Variants in SPIRE1 observed in about 807,000 individuals in gnomAD.
SPIRE1 encodes protein spire homolog 1.
Under a neutral mutation model 94.1 loss-of-function variants are expected in SPIRE1, and 40 were observed. The ratio of observed to expected loss-of-function variants is 0.43; its 90% CI spans 0.33 to 0.55. The LOEUF is 0.55. SPIRE1 is among the 20% of genes least tolerant of loss of function. The pLI, the probability that SPIRE1 is intolerant of heterozygous loss-of-function variation, is 0.06. For missense variants in SPIRE1, 838 were observed against 975.2 expected, an observed-to-expected ratio of 0.86 and a Z score of 1.87; for synonymous variants, 376 against 371.7, an observed-to-expected ratio of 1.01 and a Z score of -0.13.
intron 4 of SPIRE1, among the ~76,000 whole-genome samples, chr18:12,532,834 T>C (rs1270997964): frequency 1.3e-5 from 2 of 152,196 alleles, no homozygotes; most frequent in African/African-American, 4.8e-5. Flanking sequence ...GCTTTCTTTG[T>C]CTAGGAAGTC....
chr18:12,507,696 C>G (rs2143992160), intron 5 of SPIRE1, among the ~76,000 whole-genome samples: 1 of 150,760 alleles, frequency 6.6e-6, no homozygotes, highest in South Asian at 2.1e-4. Flanking sequence ...GAGACTCTGT[C>G]TCAAAAAATA....
rs1276304562 is a variant in SPIRE1, at chr18:12,631,563, A to AC, written c.372+3498_372+3499insG. Among the ~76,000 whole-genome samples, 127 of 150,094 alleles carry AC rather than the reference A, an allele frequency of 8.5e-4. 2 individuals carry two copies. In the Middle Eastern group the frequency reaches 0.01, roughly 12 times the overall value. On this transcript the variant is annotated intron_variant, in intron 2 of 16. Coordinates refer to ENST00000409402, the MANE Select transcript of SPIRE1 (RefSeq NM_001128626.2). The stretch of plus-strand genomic sequence containing the variant: ...CCCATCTCTACAAAAAAAAAAAAAA[A>AC]AAAAAAAAAAAACATAAAAATAAAA...
At chr18:12,646,317 C>T (rs144982368) in intron 1 of SPIRE1, among the ~76,000 whole-genome samples, 42 of 152,266 alleles carry the variant, frequency 2.8e-4, no homozygotes, top group African/African-American at 1.0e-3. Context: ...TCTGGGCTCT[C>T]ATAGTTTTCT....
At chr18:12,539,437 A>C (rs529469431) in intron 3 of SPIRE1, among the ~76,000 whole-genome samples, 1 of 152,152 alleles carries the variant, frequency 6.6e-6, no homozygotes, top group Non-Finnish European at 1.5e-5. Flanking sequence ...CTGTGAGTCC[A>C]TTAAACCTAT....
At chr18:12,562,996 T>G (rs544865573) in intron 2 of SPIRE1, among the ~76,000 whole-genome samples, 1 of 152,320 alleles carries the variant, frequency 6.6e-6, no homozygotes, top group East Asian at 1.9e-4. Flanking sequence ...TTGAGAGATA[T>G]GCAATCACTG....
intron 5 of SPIRE1, among the ~76,000 whole-genome samples, chr18:12,509,533 CAAAT>C (rs2144012403): frequency 6.6e-6 from 1 of 152,214 alleles, no homozygotes; most frequent in East Asian, 1.9e-4. Flanking sequence ...TCTAAAATGA[CAAAT>C]AATACCAGCT....
Position 12,642,521 on chromosome 18 carries a change from T to C in SPIRE1, c.338-7425A>G, listed in dbSNP as rs527407764. 9.1e-4 allele frequency among the ~76,000 whole-genome samples: 138 copies of C among 152,310 alleles called. 1 individual carries two copies. The highest frequency in any genetic ancestry group is 3.2e-3 in the African/African-American group (132 of 41,564). ...AACCCGCCACAAAATTTGGATATTA[T>C]CTTTTATCTATTTTATGTAATCTGG... On this transcript the variant is annotated intron_variant, in intron 1 of 16. Transcript: ENST00000409402.
At chr18:12,566,998 C>T (rs2035837875) in intron 2 of SPIRE1, among the ~76,000 whole-genome samples, 1 of 152,108 alleles carries the variant, frequency 6.6e-6, no homozygotes, top group East Asian at 1.9e-4. Flanking sequence ...TACACCACAA[C>T]CAAGTGGCAT....
intron 2 of SPIRE1, among the ~76,000 whole-genome samples, chr18:12,580,989 C>T (rs1396053526): frequency 6.6e-6 from 1 of 152,182 alleles, no homozygotes; most frequent in African/African-American, 2.4e-5. Context: ...TTCCACTTAT[C>T]CCCATGGGTG....
chr18:12,622,017 A>G (rs537683652), intron 2 of SPIRE1, among the ~76,000 whole-genome samples: 5 of 152,270 alleles, frequency 3.3e-5, no homozygotes, highest in African/African-American at 1.2e-4. Flanking sequence ...GAGACACCAT[A>G]CTGAACTGCA....
intron 4 of SPIRE1, among the ~76,000 whole-genome samples, chr18:12,529,191 A>G (rs1295240887): frequency 6.6e-6 from 1 of 152,144 alleles, no homozygotes; most frequent in African/African-American, 2.4e-5. Flanking sequence ...AACATGGTGA[A>G]ACCCCGTCTC....
At chr18:12,572,640 T>A (rs537908113) in intron 2 of SPIRE1, among the ~76,000 whole-genome samples, 3 of 152,148 alleles carry the variant, frequency 2.0e-5, no homozygotes, top group Non-Finnish European at 4.4e-5. Context: ...GTTAAAAAAA[T>A]TTTTAAATAG....
chr18:12,534,119 T>G (rs1316573466), intron 4 of SPIRE1, among the ~76,000 whole-genome samples: 5 of 152,146 alleles, frequency 3.3e-5, no homozygotes, highest in African/African-American at 1.2e-4. Flanking sequence ...GTACCCTAGC[T>G]AGAGCAGAGG....
Position 12,532,791 on chromosome 18 carries a change from C to T in SPIRE1, c.729+2685G>A, listed in dbSNP as rs149715186. 8.5e-4 allele frequency among the ~76,000 whole-genome samples: 130 copies of T among 152,248 alleles called. 1 individual carries two copies. The highest frequency in any genetic ancestry group is 2.8e-3 in the African/African-American group (115 of 41,546). On this transcript the variant is annotated intron_variant, in intron 4 of 16. Transcript: ENST00000409402. ...TGCAGAGGTGAAAGAAACTTACATT[C>T]CTGAAACCTGAGTGTTGATAGGCAA...
chr18:12,525,296 A>AAAAAAAT (rs1555619713), intron 4 of SPIRE1, among the ~76,000 whole-genome samples: 15 of 120,162 alleles, frequency 1.2e-4, no homozygotes, highest in African/African-American at 5.0e-4. Flanking sequence ...AAAAAAAAAA[A>AAAAAAAT]AATAATAATA....
At chr18:12,473,493 T>C (rs553654165) in intron 10 of SPIRE1, among the ~76,000 whole-genome samples, 2 of 152,140 alleles carry the variant, frequency 1.3e-5, no homozygotes, top group Admixed American at 1.3e-4. Flanking sequence ...ACTGAGTAAA[T>C]AAAATACAGT....
chr18:12,616,474 C>A (rs773806223), intron 2 of SPIRE1, among the ~76,000 whole-genome samples: 6 of 152,030 alleles, frequency 3.9e-5, no homozygotes, highest in African/African-American at 1.4e-4. Context: ...GTTTTACTTG[C>A]GGGTGGGTGG....
chr18:12,554,730 A>C (rs2035451304), intron 2 of SPIRE1, among the ~76,000 whole-genome samples: 1 of 152,358 alleles, frequency 6.6e-6, no homozygotes, highest in Middle Eastern at 3.4e-3. Flanking sequence ...ATATTAATGC[A>C]AAAATCCTCA....
chr18:12,472,663 T>G (rs1001814454), intron 10 of SPIRE1, among the ~76,000 whole-genome samples: 2 of 148,944 alleles, frequency 1.3e-5, no homozygotes, highest in Admixed American at 1.3e-4. Flanking sequence ...GTCACTGTGG[T>G]TGGTCTTTTT....
Sources: gnomAD v4.1 joint callset for allele counts (sites outside exome capture counted in the v4.1 genomes callset) on GRCh38, gnomAD v4.1.1 for gene constraint, MANE v1.5 for transcripts, NCBI Gene and HGNC (gene_info 2026-07-23, HGNC 2026-07-21) for gene names.